The following HOMER2 variants were observed in gnomAD, a reference collection of about 807,000 sequenced individuals.
HOMER2 encodes homer scaffold protein 2.
HOMER2 carries 27 observed loss-of-function variants against 47.0 expected under a neutral mutation model. The ratio of observed to expected loss-of-function variants is 0.57; its 90% CI spans 0.42 to 0.79. HOMER2 has a LOEUF of 0.79. Ranked by LOEUF, HOMER2 falls within the 30% of genes least tolerant of loss-of-function variation. The pLI is 0.00. For synonymous variants in HOMER2, 161 were observed against 163.8 expected (o/e 0.98, Z 0.13); for missense variants, 443 against 435.0 (o/e 1.02, Z -0.16).
chr15:82,856,000 C>T (rs2051572690), intron 5 of HOMER2, among the ~76,000 whole-genome samples: 1 of 152,158 alleles, frequency 6.6e-6, no homozygotes, highest in South Asian at 2.1e-4. Flanking sequence ...TTTCTAAAGG[C>T]TCTTCCTAAT....
rs2053503311 is a variant in HOMER2, at chr15:82,913,559, C to T, written c.6-20718G>A. ...TGTTCTTGCTTCTGTAATTTCATCC[C>T]AACAGCAGCACTCTATCAGGCCATC... On this transcript the variant is annotated intron_variant, in intron 1 of 8. Transcript: ENST00000450735. The surrounding 1 kb of genome is among the most constrained non-coding windows in gnomAD (Gnocchi z 4.1). Among the ~76,000 whole-genome samples, 1 of 152,180 alleles carries T rather than the reference C, an allele frequency of 6.6e-6. No homozygotes were observed. Among genetic ancestry groups the T allele is most frequent in the African/African-American group, 2.4e-5 (1 of 41,426 alleles).
downstream of HOMER2, among the ~76,000 whole-genome samples, chr15:82,848,467 G>T (rs573474564): frequency 1.3e-5 from 2 of 152,202 alleles, no homozygotes. Flanking sequence ...CCACAGGCCC[G>T]CTGGCCCCAC....
intron 4 of HOMER2, among the ~76,000 whole-genome samples, chr15:82,863,328 C>T (rs1434579326): frequency 6.6e-6 from 1 of 152,200 alleles, no homozygotes; most frequent in African/African-American, 2.4e-5. Context: ...AATCAACAGT[C>T]ACAACACACT....
chr15:82,868,540 TA>T (rs1451241934), intron 3 of HOMER2, among the ~76,000 whole-genome samples: 13 of 69,284 alleles, frequency 1.9e-4, no homozygotes, highest in South Asian at 1.5e-3. Flanking sequence ...TATATATATA[TA>T]TTTTTTTTTT....
chr15:82,908,421 C>T (rs2053351860), intron 1 of HOMER2, among the ~76,000 whole-genome samples: 1 of 152,118 alleles, frequency 6.6e-6, no homozygotes, highest in Admixed American at 6.5e-5. Flanking sequence ...CATGTCAAAA[C>T]TAAGTGGTTT....
In HOMER2 at chr15:82,884,829, C is replaced by T. The variant is rs2052598813; in HGVS notation, c.162+7856G>A. Reference sequence around the variant, plus strand: ...GGGTTTTCTAGATAAACAATCATGTCGTCTGCAAACAGGGACAATTTGACT... The same window carrying T: ...GGGTTTTCTAGATAAACAATCATGTTGTCTGCAAACAGGGACAATTTGACT... On this transcript the variant is annotated intron_variant, in intron 2 of 8. Coordinates refer to ENST00000450735, the MANE Select transcript of HOMER2 (RefSeq NM_004839.4). Among the ~76,000 whole-genome samples, 3 of 9,922 alleles carry T rather than the reference C, an allele frequency of 3.0e-4. 1 individual carries two copies. Among genetic ancestry groups the T allele is most frequent in the Non-Finnish European group, 4.2e-4 (3 of 7,110 alleles). The allele number at this position is 9,922 out of a possible 152,430, so 6.5% of individuals were successfully genotyped here.
At chr15:82,894,320 T>G (rs964927237) in intron 1 of HOMER2, among the ~76,000 whole-genome samples, 3 of 152,208 alleles carry the variant, frequency 2.0e-5, no homozygotes, top group African/African-American at 7.2e-5. Context: ...CACAGACTTA[T>G]CACAAAATAC....
At chr15:82,962,154 A>C (rs1035548456) in intron 1 of HOMER2, among the ~76,000 whole-genome samples, 5 of 150,636 alleles carry the variant, frequency 3.3e-5, no homozygotes, top group Non-Finnish European at 5.9e-5. Context: ...GCGGATCACG[A>C]GGTCAGGAGA....
intron 5 of HOMER2, among the ~76,000 whole-genome samples, chr15:82,857,211 C>T (rs978468184): frequency 3.3e-5 from 5 of 152,040 alleles, no homozygotes; most frequent in Admixed American, 2.0e-4. Flanking sequence ...GAGAGCTCAC[C>T]TCCTCTCCCC....
At chr15:82,934,627 C>A (rs941568117) in intron 1 of HOMER2, among the ~76,000 whole-genome samples, 4 of 152,196 alleles carry the variant, frequency 2.6e-5, no homozygotes, top group Non-Finnish European at 5.9e-5. Context: ...ATCCCATGGT[C>A]TCTCATGGTT....
intron 1 of HOMER2, among the ~76,000 whole-genome samples, chr15:82,917,778 A>C (rs1163172905): frequency 6.6e-6 from 1 of 152,226 alleles, no homozygotes; most frequent in Non-Finnish European, 1.5e-5. Context: ...TGCACACAGT[A>C]GGCCCAAAAT....
At chr15:82,846,701 G>C (rs1284396367), downstream of HOMER2, 1 of 152,184 alleles carries the variant, frequency 6.6e-6, no homozygotes, top group African/African-American at 2.4e-5. Context: ...AGTCTAATGT[G>C]ATGGCAGGCA....
exon 2 of HOMER2, chr15:82,959,003 A>G (rs2151249288): frequency 6.6e-6 from 1 of 152,528 alleles, no homozygotes; most frequent in Non-Finnish European, 1.5e-5. Flanking sequence ...CCTCCACTAG[A>G]CTATGGTCTT....
intron 1 of HOMER2, among the ~76,000 whole-genome samples, chr15:82,942,270 C>G (rs1430098511): frequency 3.3e-5 from 5 of 152,174 alleles, no homozygotes; most frequent in Admixed American, 2.6e-4. Context: ...TTCCTGGTGT[C>G]TAGCCCAGAG....
chr15:82,902,225 T>C (rs1311034366), intron 1 of HOMER2, among the ~76,000 whole-genome samples: 1 of 133,016 alleles, frequency 7.5e-6, no homozygotes, highest in Admixed American at 8.2e-5. Context: ...TGAGACCGAG[T>C]CTCTCTCTGT....
intron 1 of HOMER2, among the ~76,000 whole-genome samples, chr15:82,919,970 G>A (rs1481223805): frequency 1.3e-5 from 2 of 152,182 alleles, no homozygotes; most frequent in East Asian, 1.9e-4. Flanking sequence ...AACACAGCCC[G>A]TCTTCCCATA....
intron 1 of HOMER2, among the ~76,000 whole-genome samples, chr15:82,972,891 G>A (rs1362566220): frequency 6.6e-6 from 1 of 152,144 alleles, no homozygotes; most frequent in East Asian, 1.9e-4. Context: ...AGTTCTACAT[G>A]CTTTGGATCT....
At chr15:82,965,476 A>T (rs1328605020) in intron 1 of HOMER2, among the ~76,000 whole-genome samples, 2 of 152,226 alleles carry the variant, frequency 1.3e-5, no homozygotes, top group African/African-American at 4.8e-5. Context: ...TCAGGTAAAT[A>T]TCTCCTACCT....
chr15:82,881,750 C>T (rs1567032297), intron 2 of HOMER2, among the ~76,000 whole-genome samples: 1 of 152,142 alleles, frequency 6.6e-6, no homozygotes, highest in Non-Finnish European at 1.5e-5. Context: ...TCCTCTGAAC[C>T]ATCACAATCA....
Sources: gnomAD v4.1 joint callset for allele counts (sites outside exome capture counted in the v4.1 genomes callset) on GRCh38, gnomAD v4.1.1 for gene constraint, Gnocchi (gnomAD v3.1) non-coding constraint, MANE v1.5 for transcripts, NCBI Gene and HGNC (gene_info 2026-07-23, HGNC 2026-07-21) for gene names.